Variants in SOX5 observed in about 807,000 individuals in gnomAD.
The protein encoded by SOX5 is transcription factor SOX-5.
In SOX5, 9 loss-of-function variants were observed where a neutral mutation model predicts 92.0. The ratio of observed to expected loss-of-function variants is 0.10; its 90% CI spans 0.06 to 0.17. The LOEUF is 0.17. Ranked by LOEUF, SOX5 falls within the 10% of genes least tolerant of loss-of-function variation. The pLI is 1.00. For synonymous variants in SOX5, 344 were observed against 336.3 expected, an observed-to-expected ratio of 1.02 and a Z score of -0.25; for missense variants, 642 against 944.5, an observed-to-expected ratio of 0.68 and a Z score of 4.20.
chr12:24,466,187 T>G (rs1305573308), intron 1 of SOX5, among the ~76,000 whole-genome samples: 1 of 151,772 alleles, frequency 6.6e-6, no homozygotes, highest in Non-Finnish European at 1.5e-5. Context: ...ACTCCAACAT[T>G]CCTCCTCCTC....
At chr12:23,771,187 C>CAAAAA (rs376988688) in intron 3 of SOX5, among the ~76,000 whole-genome samples, 3 of 108,588 alleles carry the variant, frequency 2.8e-5, no homozygotes, top group East Asian at 2.8e-4. Context: ...AAAAATGGAG[C>CAAAAA]AAAAAAAAAA....
At chr12:24,554,434 A>T (rs1418952156) in intron 1 of SOX5, among the ~76,000 whole-genome samples, 1 of 152,132 alleles carries the variant, frequency 6.6e-6, no homozygotes, top group Admixed American at 6.5e-5. Context: ...ACCCGTGCTC[A>T]CTCTTCAGGA....
intron 6 of SOX5, among the ~76,000 whole-genome samples, chr12:23,694,632 A>C (rs773009724): frequency 8.5e-5 from 13 of 152,186 alleles, no homozygotes; most frequent in Non-Finnish European, 1.9e-4. Flanking sequence ...CACCAACAAC[A>C]CAATCACAAC....
chr12:24,256,059 GGTCA>G (rs1304054021), intron 3 of SOX5, among the ~76,000 whole-genome samples: 4 of 152,172 alleles, frequency 2.6e-5, no homozygotes, highest in African/African-American at 9.7e-5. Context: ...TTTTAAAACA[GGTCA>G]GTTTGCTCAA....
intron 2 of SOX5, among the ~76,000 whole-genome samples, chr12:24,307,762 T>TGGAAGGAA (rs71063306): frequency 0.16 from 7,077 of 43,742 alleles, 2,266 homozygotes; most frequent in African/African-American, 0.19. Context: ...GGTGGCCTAA[T>TGGAAGGAA]GGAAGGAAGG....
chr12:23,663,396 A>G (rs557546143), intron 7 of SOX5, among the ~76,000 whole-genome samples: 90 of 152,320 alleles, frequency 5.9e-4, no homozygotes, highest in African/African-American at 1.8e-3. Context: ...CAACAAATTT[A>G]GTATGCCAAC....
chr12:24,308,025 G>GA (rs549021950), intron 2 of SOX5, among the ~76,000 whole-genome samples: 18,004 of 145,612 alleles, frequency 0.12, 1,391 homozygotes, highest in Non-Finnish European at 0.18. Context: ...TCTCCCAGTA[G>GA]AAAAAAAAAA....
chr12:24,154,724 A>G (rs901004821), intron 4 of SOX5, among the ~76,000 whole-genome samples: 1 of 152,104 alleles, frequency 6.6e-6, no homozygotes, highest in Non-Finnish European at 1.5e-5. Context: ...CTTGGATGAG[A>G]AAAAAATACA....
intron 4 of SOX5, among the ~76,000 whole-genome samples, chr12:24,050,326 T>A (rs1185574799): frequency 6.6e-6 from 1 of 152,160 alleles, no homozygotes; most frequent in Non-Finnish European, 1.5e-5. Context: ...TCAATCCTGT[T>A]GACTAGACAT....
intron 6 of SOX5, among the ~76,000 whole-genome samples, chr12:23,678,575 C>A (rs192176796): frequency 6.8e-4 from 104 of 152,254 alleles, no homozygotes; most frequent in Non-Finnish European, 1.1e-3. Flanking sequence ...CTACCAAAGG[C>A]ACTTTGATGG....
At chr12:23,563,953 G>A (rs1565851036) in intron 10 of SOX5, among the ~76,000 whole-genome samples, 2 of 152,144 alleles carry the variant, frequency 1.3e-5, no homozygotes, top group Admixed American at 6.5e-5. Context: ...CATTTATGGT[G>A]AAATAAACCA....
chr12:23,865,384 T>A (rs2096799537), intron 2 of SOX5, among the ~76,000 whole-genome samples: 1 of 152,134 alleles, frequency 6.6e-6, no homozygotes, highest in Non-Finnish European at 1.5e-5. Context: ...ATTTAAGAAA[T>A]ACATTTTGGG....
At chr12:24,416,038 G>A (rs1393300364) in intron 1 of SOX5, among the ~76,000 whole-genome samples, 1 of 152,204 alleles carries the variant, frequency 6.6e-6, no homozygotes, top group Non-Finnish European at 1.5e-5. Flanking sequence ...TGGATCAGAA[G>A]GAGAGAAACG....
chr12:24,559,352 C>CAATT (rs574250387), intron 1 of SOX5, among the ~76,000 whole-genome samples: 203 of 152,282 alleles, frequency 1.3e-3, no homozygotes, highest in African/African-American at 4.4e-3. Context: ...TTATATCCAA[C>CAATT]AATTATACCT....
intron 1 of SOX5, among the ~76,000 whole-genome samples, chr12:24,465,719 A>G (rs1944155307): frequency 6.6e-6 from 1 of 152,218 alleles, no homozygotes; most frequent in African/African-American, 2.4e-5. Context: ...TATATTAGTC[A>G]GGGGCCAAAT....
At chr12:23,540,784 ATCCCCAGAGACTACGT>A (rs1941859697) in intron 13 of SOX5, among the ~76,000 whole-genome samples, 1 of 152,198 alleles carries the variant, frequency 6.6e-6, no homozygotes, top group Non-Finnish European at 1.5e-5. Context: ...GTCAACTACG[ATCCCCAGAGACTACGT>A]AAAATGTCAA....
intron 3 of SOX5, among the ~76,000 whole-genome samples, chr12:23,822,403 G>A (rs963660763): frequency 6.6e-6 from 1 of 152,160 alleles, no homozygotes; most frequent in African/African-American, 2.4e-5. Context: ...TTCAGGAGCA[G>A]GTTGTTCAGT....
intron 2 of SOX5, among the ~76,000 whole-genome samples, chr12:23,862,174 A>T (rs955139413): frequency 6.6e-6 from 1 of 152,168 alleles, no homozygotes; most frequent in African/African-American, 2.4e-5. Flanking sequence ...AGCAAAGGGA[A>T]TCACATGCAA....
chr12:24,244,131 G>A (rs115460001), intron 3 of SOX5, among the ~76,000 whole-genome samples: 1 of 152,074 alleles, frequency 6.6e-6, no homozygotes, highest in African/African-American at 2.4e-5. Flanking sequence ...GAAAAGGCTG[G>A]GGAAGAAGAA....
Sources: gnomAD v4.1 joint callset for allele counts (sites outside exome capture counted in the v4.1 genomes callset) on GRCh38, gnomAD v4.1.1 for gene constraint, MANE v1.5 for transcripts, NCBI Gene and HGNC (gene_info 2026-07-23, HGNC 2026-07-21) for gene names.